Variants in COPG2 observed in about 807,000 individuals in gnomAD.
The protein encoded by COPG2 is coatomer subunit gamma-2.
In COPG2, 37 loss-of-function variants were observed where a neutral mutation model predicts 46.3. That is an observed-to-expected ratio of 0.80 (90% CI 0.61 to 1.05). COPG2 has a LOEUF of 1.05. COPG2 is among the 50% of genes least tolerant of loss of function. COPG2 has a pLI of 0.00. For missense variants in COPG2, 427 were observed against 387.8 expected (o/e 1.10, Z -0.85); for synonymous variants, 159 against 129.7 (o/e 1.23, Z -1.53).
At chr7:130,656,376 TGAAG>T (rs1795853465) in intron 4 of COPG2, among the ~76,000 whole-genome samples, 1 of 152,070 alleles carries the variant, frequency 6.6e-6, no homozygotes, top group African/African-American at 2.4e-5. Context: ...AATATCAGAA[TGAAG>T]GAAGAGACAC....
intron 5 of COPG2, among the ~76,000 whole-genome samples, chr7:130,629,865 A>G (rs1397008918): frequency 6.6e-6 from 1 of 151,012 alleles, no homozygotes; most frequent in East Asian, 1.9e-4. Flanking sequence ...TCTGAAAGCA[A>G]TCTTCATCTC....
rs782244216 is a variant in COPG2, at chr7:130,666,931, T to A, written c.91-2A>T. ...TGGAGTTTCATTGAATATACGAGCC[T>A]ATGAAAAAACATAAAAAACATTGCT... On this transcript the variant is annotated splice_acceptor_variant, in intron 2 of 23. Coordinates refer to ENST00000425248, the MANE Select transcript of COPG2 (RefSeq NM_012133.6). LOFTEE classifies it high-confidence loss of function. 7 of 1,519,526 alleles carry A rather than the reference T, an allele frequency of 4.6e-6. No homozygotes were observed. The highest frequency in any genetic ancestry group is 5.4e-6 in the Non-Finnish European group (6 of 1,117,032). 94.1% of individuals were successfully genotyped at this position (1,519,526 alleles called of 1,614,324 possible). A position where few individuals can be genotyped will look rare whatever the true frequency, so the allele number is the denominator to read the frequency against.
chr7:130,600,471 C>G (rs893181693), intron 9 of COPG2, among the ~76,000 whole-genome samples: 1 of 152,102 alleles, frequency 6.6e-6, no homozygotes. Flanking sequence ...CCATGTTGCC[C>G]AGGCTGGTCT....
At chr7:130,642,379 C>G (rs1554457479) in intron 5 of COPG2, among the ~76,000 whole-genome samples, 10 of 152,190 alleles carry the variant, frequency 6.6e-5, no homozygotes, top group Non-Finnish European at 1.5e-5. Flanking sequence ...TCCATCACCC[C>G]AGAAAGTTCC....
chr7:130,563,394 G>A (rs978756274), intron 10 of COPG2, 58 bp from the exon 11 acceptor site: 13,648 of 392,416 alleles, frequency 0.035, 329 homozygotes, highest in Middle Eastern at 0.051. Context: ...TATACATACC[G>A]TGAATACTCC....
rs1554452211 is a variant in COPG2 at position 130,612,211 on chromosome 7, C to A, written c.520G>T (p.Val174Phe). The change falls in exon 8 of 24, where the codon GTT becomes TTT. Residue 174 changes from valine to phenylalanine, a missense_variant. By Grantham distance (50) the Val-to-Phe change is conservative (BLOSUM62 -1). Coordinates refer to ENST00000425248, the MANE Select transcript of COPG2 (RefSeq NM_012133.6). Reference protein sequence around the residue: ...LHMMKISYDVVKRWINEAQEA... With the variant: ...LHMMKISYDVFKRWINEAQEA... ...TGGGCTTCATTGATCCAGCGCTTAACCACATCATAGCTTATCTTCATCATG... is the reference window on the plus strand; with the variant it reads ...TGGGCTTCATTGATCCAGCGCTTAAACACATCATAGCTTATCTTCATCATG... 1 of 1,607,538 alleles carries A rather than the reference C, an allele frequency of 6.2e-7. No homozygotes were observed. Among genetic ancestry groups the A allele is most frequent in the African/African-American group, 1.3e-5 (1 of 74,496 alleles).
rs1799839542 is a variant in COPG2, at chr7:130,532,668, C to A, written c.2149+15006G>T. Among the ~76,000 whole-genome samples the A allele has an allele frequency of 2.0e-5, 3 of 152,060 alleles. No individual in the cohort carries two copies. The South Asian group carries it at 6.2e-4, about 32-fold the overall frequency. Reference sequence around the variant, plus strand: ...AGGCAGAGGCTCCCCAGAATGTTTCCACATGGTGTGAGAGAGAAGGGTGTG... The same window carrying A: ...AGGCAGAGGCTCCCCAGAATGTTTCAACATGGTGTGAGAGAGAAGGGTGTG... On this transcript the variant is annotated intron_variant, in intron 20 of 23. Coordinates refer to ENST00000425248, the MANE Select transcript of COPG2 (RefSeq NM_012133.6).
intron 5 of COPG2, among the ~76,000 whole-genome samples, chr7:130,622,693 T>C (rs934242102): frequency 3.3e-5 from 5 of 152,166 alleles, no homozygotes; most frequent in African/African-American, 9.7e-5. Context: ...AAACCACCCA[T>C]TCTACATTTC....
At chr7:130,517,528 A>G (rs914186729) in intron 20 of COPG2, among the ~76,000 whole-genome samples, 27 of 152,224 alleles carry the variant, frequency 1.8e-4, no homozygotes, top group Non-Finnish European at 2.5e-4. Flanking sequence ...AGTTTTATTA[A>G]GATGAATTCT....
intron 5 of COPG2, among the ~76,000 whole-genome samples, chr7:130,624,628 C>A (rs1795088118): frequency 6.6e-6 from 1 of 152,106 alleles, no homozygotes; most frequent in Non-Finnish European, 1.5e-5. Flanking sequence ...GCCTTTGTGT[C>A]CTTGTAGCTT....
At chr7:130,609,692 TTTC>T (rs1303854132) in intron 9 of COPG2, among the ~76,000 whole-genome samples, 1 of 152,200 alleles carries the variant, frequency 6.6e-6, no homozygotes, top group Admixed American at 6.5e-5. Context: ...TTTATTTTCT[TTTC>T]TTATTTTTCT....
chr7:130,618,341 G>A (rs1794984684), intron 5 of COPG2, among the ~76,000 whole-genome samples: 1 of 152,004 alleles, frequency 6.6e-6, no homozygotes, highest in Non-Finnish European at 1.5e-5. Context: ...CATAGCTTTA[G>A]TTGAACTCAT....
At chr7:130,591,502 C>T (rs1458244221) in intron 9 of COPG2, among the ~76,000 whole-genome samples, 5 of 79,860 alleles carry the variant, frequency 6.3e-5, no homozygotes, top group South Asian at 1.0e-3. Flanking sequence ...CCCGGCCAGC[C>T]GCCCCATCCG....
At chr7:130,650,588 C>T (rs782800086) in intron 5 of COPG2, among the ~76,000 whole-genome samples, 14 of 152,192 alleles carry the variant, frequency 9.2e-5, no homozygotes, top group Admixed American at 3.3e-4. Flanking sequence ...CATTAGTTAA[C>T]TAATCCGACA....
In COPG2 at chr7:130,585,171, C is replaced by CA. The variant is rs558112269; in HGVS notation, c.738-20779dup. Among the ~76,000 whole-genome samples the CA allele has an allele frequency of 4.0e-4, 61 of 152,112 alleles. 1 individual carries two copies. Among genetic ancestry groups the CA allele is most frequent in the Non-Finnish European group, 2.8e-4 (19 of 67,960 alleles). On this transcript the variant is annotated intron_variant, in intron 9 of 23. Coordinates refer to ENST00000425248, the MANE Select transcript of COPG2 (RefSeq NM_012133.6). ...ACCCAGAAATATACCCAAATACTTA[C>CA]AGCCAACTGATCTTTGACAAAGCAA...
intron 9 of COPG2, among the ~76,000 whole-genome samples, chr7:130,603,520 G>T (rs1169464815): frequency 6.6e-6 from 1 of 152,002 alleles, no homozygotes; most frequent in African/African-American, 2.4e-5. Context: ...AGAAGTTCAA[G>T]ACCAGCCTGG....
intron 5 of COPG2, among the ~76,000 whole-genome samples, chr7:130,646,924 T>C (rs1795605867): frequency 1.9e-5 from 1 of 51,872 alleles, no homozygotes; most frequent in South Asian, 7.9e-4. Context: ...TGTGTGTTTG[T>C]GTGTGTATAT....
At chr7:130,576,539 C>G (rs1794001511) in intron 9 of COPG2, among the ~76,000 whole-genome samples, 1 of 152,158 alleles carries the variant, frequency 6.6e-6, no homozygotes, top group South Asian at 2.1e-4. Flanking sequence ...CACAACCTAT[C>G]AGAACCTCTG....
intron 9 of COPG2, among the ~76,000 whole-genome samples, chr7:130,591,829 G>A (rs1246337518): frequency 6.6e-5 from 10 of 151,030 alleles, no homozygotes; most frequent in South Asian, 2.1e-4. Context: ...GGTGAGGGGC[G>A]CCTCTGTCCG....
Sources: allele counts gnomAD v4.1 joint callset (sites outside exome capture counted in the v4.1 genomes callset), GRCh38; gene constraint gnomAD v4.1.1; transcripts MANE v1.5; gene names NCBI Gene and HGNC (gene_info 2026-07-23, HGNC 2026-07-21).